The following NDUFAF1 variants were observed in gnomAD, a reference collection of about 807,000 sequenced individuals.
NDUFAF1 encodes NADH:ubiquinone oxidoreductase complex assembly factor 1.
Under a neutral mutation model 28.7 loss-of-function variants are expected in NDUFAF1, and 18 were observed. That is an observed-to-expected ratio of 0.63 (90% confidence interval 0.43 to 0.93). NDUFAF1 has a LOEUF of 0.93. NDUFAF1 is among the 40% of genes least tolerant of loss of function. NDUFAF1 has a pLI of 0.00. For synonymous variants in NDUFAF1, 113 were observed against 139.7 expected (o/e 0.81, Z 1.35); for missense variants, 404 against 398.3 (o/e 1.01, Z -0.12).
chr15:41,397,105 G>A lies in NDUFAF1; in HGVS notation c.-46C>T. The stretch of plus-strand genomic sequence containing the variant: ...TAAGTTTCTTCCTGGGCTAGCAAGG[G>A]CCACCAAGAAGCTTCAGCAAATAGC... On this transcript the variant is annotated 5_prime_UTR_variant, in exon 2 of 5. Transcript: ENST00000260361. 5.1e-6 allele frequency: 8 copies of A among 1,561,018 alleles called. No homozygotes were observed. Among genetic ancestry groups the A allele is most frequent in the South Asian group, 1.1e-5 (1 of 88,846 alleles).
At chr15:41,401,020 A>T (rs1345710622) in intron 1 of NDUFAF1, among the ~76,000 whole-genome samples, 1 of 149,092 alleles carries the variant, frequency 6.7e-6, no homozygotes, top group Non-Finnish European at 1.5e-5. Context: ...CAGGCTAGAG[A>T]TCTCCGCTCA....
chr15:41,394,274 T>G (rs886415470), intron 3 of NDUFAF1: 27 of 892,366 alleles, frequency 3.0e-5, no homozygotes, highest in Admixed American at 9.3e-5. Context: ...CCTCAAGTGA[T>G]CCGTCCGCCT....
intron 1 of NDUFAF1, among the ~76,000 whole-genome samples, chr15:41,399,813 G>A (rs1458751575): frequency 8.1e-6 from 1 of 123,802 alleles, no homozygotes; most frequent in South Asian, 2.6e-4. Flanking sequence ...CCGAGATCCC[G>A]CCACTGCACT....
At chr15:41,398,656 T>A (rs1417119006) in intron 1 of NDUFAF1, among the ~76,000 whole-genome samples, 1 of 151,978 alleles carries the variant, frequency 6.6e-6, no homozygotes, top group Admixed American at 6.6e-5. Flanking sequence ...GCCCAGCTAA[T>A]TTTTTTAAAA....
chr15:41,397,277 G>T (rs2050402955), intron 1 of NDUFAF1, 137 bp from the exon 2 acceptor site: 1 of 529,372 alleles, frequency 1.9e-6, no homozygotes. Context: ...TTGAGACAAG[G>T]TCTTGCTCTG....
chr15:41,388,697 TA>T (rs1363042243), intron 3 of NDUFAF1, among the ~76,000 whole-genome samples, 175 bp from the exon 4 acceptor site: 1 of 151,590 alleles, frequency 6.6e-6, no homozygotes, highest in East Asian at 1.9e-4. Context: ...GATAAAGGGT[TA>T]ACTATGAAAA....
intron 1 of NDUFAF1, among the ~76,000 whole-genome samples, chr15:41,397,857 T>C (rs2050411964): frequency 6.8e-6 from 1 of 147,068 alleles, no homozygotes; most frequent in African/African-American, 2.5e-5. Flanking sequence ...AAACCCCGTC[T>C]CTACTAAAAA....
At position 41,396,972 on chromosome 15, in the gene NDUFAF1, T is replaced by C. The variant is rs2140923814; in HGVS notation, c.88A>G (p.Ile30Val). Residue 30 changes from isoleucine (I) to valine (V), a missense_variant, in exon 2 of 5, where the codon ATT (isoleucine) becomes GTT (valine). Coordinates refer to ENST00000260361, the MANE Select transcript of NDUFAF1 (RefSeq NM_016013.4). ...CTACTGGAATACTCTGCAAAGCGAA[T>C]ACCCAAAAATGGATACAAGGCAGAA... is the stretch of plus-strand genomic sequence containing the variant. ...PTSALYPFLG[I>V]RFAEYSSSLQ... 6.2e-7 allele frequency: 1 copy of C among 1,611,812 alleles called. No homozygotes were observed. The highest frequency in any genetic ancestry group is 2.2e-5 in the East Asian group (1 of 44,860).
chr15:41,389,417 T>C (rs1490472155), intron 3 of NDUFAF1, among the ~76,000 whole-genome samples: 3 of 151,980 alleles, frequency 2.0e-5, no homozygotes, highest in Admixed American at 2.0e-4. Flanking sequence ...TTCCTAAATT[T>C]TAAAAACACA....
At chr15:41,394,783 G>A in intron 3 of NDUFAF1, 76 bp downstream of exon 3, 1 of 1,515,074 alleles carries the variant, frequency 6.6e-7, no homozygotes, top group Non-Finnish European at 9.1e-7. Flanking sequence ...CTCCCAAATT[G>A]CTGGGATTAT....
chr15:41,396,629 A>G lies in NDUFAF1; in HGVS notation c.431T>C (p.Ile144Thr), dbSNP rs2050391386. 6.2e-7 allele frequency: 1 copy of G among 1,613,998 alleles called. No individual in the cohort carries two copies. The highest frequency in any genetic ancestry group is 8.5e-7 in the Non-Finnish European group (1 of 1,180,016). ...DKWTVTSDKTIGGRSEVFLKM... is the reference protein window; with the variant it reads ...DKWTVTSDKTTGGRSEVFLKM... ...CAAAAACACTTCACTTCTGCCTCCA[A>G]TCGTCTTATCAGAAGTCACTGTCCA... The change falls in exon 2 of 5, where the codon ATT (isoleucine) becomes ACT (threonine). Residue 144 changes from isoleucine to threonine, a missense_variant. By Grantham distance (89) the Ile-to-Thr change is moderately conservative. Transcript: ENST00000260361.
intron 3 of NDUFAF1, among the ~76,000 whole-genome samples, chr15:41,388,754 A>G (rs2050281792): frequency 6.6e-6 from 1 of 150,410 alleles, no homozygotes; most frequent in African/African-American, 2.4e-5. Flanking sequence ...TCCTAAACAC[A>G]GCTTTTTTTT....
intron 3 of NDUFAF1, among the ~76,000 whole-genome samples, chr15:41,389,368 C>A (rs1030945025): frequency 1.3e-5 from 2 of 151,652 alleles, no homozygotes; most frequent in African/African-American, 4.9e-5. Flanking sequence ...AACCACCACA[C>A]CCTGCCTAAA....
At chr15:41,400,629 T>C (rs945264542) in intron 1 of NDUFAF1, among the ~76,000 whole-genome samples, 2 of 149,480 alleles carry the variant, frequency 1.3e-5, no homozygotes, top group Non-Finnish European at 3.0e-5. Context: ...TTCACGCCAT[T>C]CTCCTGCCTC....
chr15:41,400,098 G>A (rs1314773042), intron 1 of NDUFAF1, among the ~76,000 whole-genome samples: 2 of 151,524 alleles, frequency 1.3e-5, no homozygotes, highest in African/African-American at 2.4e-5. Context: ...GTAAGGCCAG[G>A]CGCAGTGGCT....
rs531339828 is a variant in NDUFAF1 at position 41,402,403 on chromosome 15, C to T, written c.-341G>A. 79 of 449,102 alleles carry T rather than the reference C, an allele frequency of 1.8e-4. No individual in the cohort carries two copies. Among genetic ancestry groups the T allele is most frequent in the African/African-American group, 5.6e-4 (28 of 50,030 alleles). The allele number at this position is 449,102 out of a possible 1,614,324, so 27.8% of individuals were successfully genotyped here. On this transcript the variant is annotated 5_prime_UTR_variant, in exon 1 of 5. Transcript: ENST00000260361. Reference sequence around the variant, plus strand: ...CTCAAGTGCCAGGGCTCTGTCGCCTCCCCACACCCGGGACACACCAACCGC... The same window carrying T: ...CTCAAGTGCCAGGGCTCTGTCGCCTTCCCACACCCGGGACACACCAACCGC...
intron 3 of NDUFAF1, chr15:41,394,284 T>C (rs2050353615): frequency 9.6e-7 from 1 of 1,044,752 alleles, no homozygotes; most frequent in Admixed American, 2.3e-5. Context: ...TCCGTCCGCC[T>C]TGGCCTCCCA....
chr15:41,399,017 G>C (rs138924132), intron 1 of NDUFAF1, among the ~76,000 whole-genome samples: 1 of 152,002 alleles, frequency 6.6e-6, no homozygotes, highest in East Asian at 1.9e-4. Flanking sequence ...TGTAATCCCA[G>C]CACTCTGGGA....
chr15:41,396,469 C>T lies in NDUFAF1; in HGVS notation c.573+18G>A. 1 of 1,612,258 alleles carries T rather than the reference C, an allele frequency of 6.2e-7. No homozygotes were observed. Among genetic ancestry groups the T allele is most frequent in the Non-Finnish European group, 8.5e-7 (1 of 1,178,374 alleles). ...ACCCCTGTTTACTAGAAAACGATGG[C>T]TCCTGGGCCTCACCTACCCTTGGAA... On this transcript the variant is annotated intron_variant, in intron 2 of 4. Coordinates refer to ENST00000260361, the MANE Select transcript of NDUFAF1 (RefSeq NM_016013.4).
Sources: gnomAD v4.1 joint callset for allele counts (sites outside exome capture counted in the v4.1 genomes callset) on GRCh38, gnomAD v4.1.1 for gene constraint, MANE v1.5 for transcripts, NCBI Gene and HGNC (gene_info 2026-07-23, HGNC 2026-07-21) for gene names.